KSR2: variants seen among roughly 807,000 people sequenced by gnomAD.
The protein encoded by KSR2 is kinase suppressor of ras 2.
A neutral mutation model predicts 107.8 loss-of-function variants in KSR2; 25 were observed. The ratio of observed to expected loss-of-function variants is 0.23; its 90% CI spans 0.17 to 0.32. KSR2 has a LOEUF of 0.32. KSR2 is among the 10% of genes least tolerant of loss of function. KSR2 has a pLI of 1.00. For missense variants in KSR2, 887 were observed against 1,268.9 expected (o/e 0.70, Z 4.57); for synonymous variants, 480 against 507.0 (o/e 0.95, Z 0.71).
chr12:117,637,675 G>GTTTTTTTTT (rs56169273), intron 5 of KSR2, among the ~76,000 whole-genome samples: 2,509 of 91,900 alleles, frequency 0.027, 492 homozygotes, highest in East Asian at 0.2. Flanking sequence ...TCAGTTTTGG[G>GTTTTTTTTT]TTTTTTTTTT....
intron 5 of KSR2, among the ~76,000 whole-genome samples, chr12:117,627,277 T>C (rs1882570392): frequency 6.6e-6 from 1 of 152,232 alleles, no homozygotes; most frequent in African/African-American, 2.4e-5. Context: ...CATTAATTGA[T>C]GTAGTTTCTT....
intron 3 of KSR2, among the ~76,000 whole-genome samples, chr12:117,779,490 G>A (rs528775788): frequency 2.6e-5 from 4 of 152,278 alleles, no homozygotes; most frequent in South Asian, 4.1e-4. Flanking sequence ...CAAGCAAGCA[G>A]TGGGCCTGCT....
At chr12:117,717,665 AGGTGTGTGTGTG>A (rs1213960808) in intron 4 of KSR2, among the ~76,000 whole-genome samples, 3 of 132,518 alleles carry the variant, frequency 2.3e-5, no homozygotes, top group African/African-American at 5.7e-5. Context: ...TGGGGCAGAC[AGGTGTGTGTGTG>A]TGTGTGTGTG....
At chr12:117,517,699 A>G (rs1472177477) in intron 14 of KSR2, 3 of 389,238 alleles carry the variant, frequency 7.7e-6, no homozygotes, top group South Asian at 1.9e-5. Flanking sequence ...GCAGCCACAG[A>G]CAAAAAACCT....
chr12:117,605,690 A>C (rs911437214), intron 5 of KSR2, among the ~76,000 whole-genome samples: 3 of 152,200 alleles, frequency 2.0e-5, no homozygotes, highest in Non-Finnish European at 2.9e-5. Flanking sequence ...TCATTGCAGC[A>C]CTATTCACAA....
chr12:117,553,987 C>T (rs1371818414), intron 9 of KSR2, among the ~76,000 whole-genome samples: 3 of 152,122 alleles, frequency 2.0e-5, no homozygotes, highest in South Asian at 2.1e-4. Flanking sequence ...GCTTCTTGTA[C>T]GGCCTGCAGA....
intron 1 of KSR2, among the ~76,000 whole-genome samples, chr12:117,947,657 G>C (rs888991677): frequency 1.3e-5 from 2 of 151,972 alleles, no homozygotes; most frequent in African/African-American, 4.8e-5. Context: ...AAAGTTCCTA[G>C]TACTTATAAG....
Position 117,653,045 on chromosome 12 carries a change from T to G in KSR2, c.1171+14429A>C. 1.3e-5 allele frequency among the ~76,000 whole-genome samples: 2 copies of G among 152,188 alleles called. 1 individual carries two copies. Among genetic ancestry groups the G allele is most frequent in the South Asian group, 4.2e-4 (2 of 4,806 alleles). The stretch of plus-strand genomic sequence containing the variant: ...TAGAAAAATAGTAAATCAAAAACAA[T>G]ATTGCATCCCTGGAGGGATTGTGGA... On this transcript the variant is annotated intron_variant, in intron 5 of 19. Transcript: ENST00000339824.
chr12:117,728,455 G>A (rs1887530348), intron 4 of KSR2, among the ~76,000 whole-genome samples: 1 of 152,168 alleles, frequency 6.6e-6, no homozygotes, highest in African/African-American at 2.4e-5. Context: ...ATTGGCCCAG[G>A]CGGACATCCC....
intron 1 of KSR2, among the ~76,000 whole-genome samples, chr12:117,871,995 G>A (rs1311668130): frequency 1.3e-5 from 2 of 152,120 alleles, no homozygotes; most frequent in Non-Finnish European, 2.9e-5. Context: ...ATGATAGTAA[G>A]TTACAAATCA....
chr12:117,788,348 CTG>C (rs375073545), intron 3 of KSR2, among the ~76,000 whole-genome samples: 2 of 152,310 alleles, frequency 1.3e-5, no homozygotes, highest in African/African-American at 2.4e-5. Context: ...TGGACTAGAT[CTG>C]TGTTTTCCAA....
intron 4 of KSR2, among the ~76,000 whole-genome samples, chr12:117,722,401 A>G (rs1454903596): frequency 6.6e-6 from 1 of 152,286 alleles, no homozygotes; most frequent in African/African-American, 2.4e-5. Flanking sequence ...AAGGCATTCT[A>G]AGTCACAGGA....
At chr12:117,911,696 C>T (rs12424290) in intron 1 of KSR2, among the ~76,000 whole-genome samples, 9,581 of 152,230 alleles carry the variant, frequency 0.063, 454 homozygotes, top group East Asian at 0.14. Context: ...GAGGGCAAGA[C>T]CCATATCTCT....
At chr12:117,654,160 C>G (rs1884022584) in intron 5 of KSR2, among the ~76,000 whole-genome samples, 1 of 152,166 alleles carries the variant, frequency 6.6e-6, no homozygotes, top group Non-Finnish European at 1.5e-5. Flanking sequence ...CCTATGTGAC[C>G]CGAACTGCCT....
chr12:117,797,851 A>AG (rs1890689503), intron 3 of KSR2, among the ~76,000 whole-genome samples: 1 of 151,922 alleles, frequency 6.6e-6, no homozygotes. Flanking sequence ...GGGTCTCACT[A>AG]TGTTTCATAG....
At chr12:117,844,745 CT>C (rs1376932379) in intron 3 of KSR2, among the ~76,000 whole-genome samples, 1 of 152,218 alleles carries the variant, frequency 6.6e-6, no homozygotes, top group East Asian at 1.9e-4. Flanking sequence ...TATCTACCCC[CT>C]AAGCCTTTCC....
chr12:117,498,381 C>G (rs1472858908), intron 14 of KSR2, among the ~76,000 whole-genome samples: 1 of 152,098 alleles, frequency 6.6e-6, no homozygotes, highest in Non-Finnish European at 1.5e-5. Flanking sequence ...TTCCCAGCTG[C>G]TACCCAGAGA....
At chr12:117,886,781 G>A (rs1894190266) in intron 1 of KSR2, among the ~76,000 whole-genome samples, 1 of 151,958 alleles carries the variant, frequency 6.6e-6, no homozygotes. Context: ...CACACATATA[G>A]ATGTTGAGAT....
Position 117,462,236 on chromosome 12 carries a change from CAAAAAAAAAAAAA to C in KSR2, c.*4950_*4962del, listed in dbSNP as rs61299121. 3.0e-5 allele frequency: 2 copies of C among 66,480 alleles called. No homozygotes were observed. Among genetic ancestry groups the C allele is most frequent in the African/African-American group, 5.8e-5 (1 of 17,240 alleles). 4.1% of individuals were successfully genotyped at this position (66,480 alleles called of 1,614,324 possible). On this transcript the variant is annotated 3_prime_UTR_variant, in exon 20 of 20. Transcript: ENST00000339824. ...GTGTTATAAGTTGTGGTGTCCCCAA[CAAAAAAAAAAAAA>C]AAAAAAAAAAGACATGTTGAAGTCC... is the stretch of plus-strand genomic sequence containing the variant.
Sources: allele counts gnomAD v4.1 joint callset (sites outside exome capture counted in the v4.1 genomes callset), GRCh38; gene constraint gnomAD v4.1.1; transcripts MANE v1.5; gene names NCBI Gene and HGNC (gene_info 2026-07-23, HGNC 2026-07-21).